Variants in SH3BGRL2 observed in about 807,000 individuals in gnomAD.
SH3BGRL2 encodes the protein SH3 domain-binding glutamic acid-rich-like protein 2.
SH3BGRL2 carries 21 observed loss-of-function variants against 14.8 expected under a neutral mutation model. That is an observed-to-expected ratio of 1.42 (90% confidence interval 1.01 to 2.05). The LOEUF (loss-of-function observed/expected upper bound fraction) is 2.05. SH3BGRL2 is among the 30% of genes most tolerant of loss of function. SH3BGRL2 has a pLI of 0.00. For missense variants in SH3BGRL2, 147 were observed against 130.8 expected (o/e 1.12, Z -0.61); for synonymous variants, 50 against 47.8 (o/e 1.05, Z -0.19).
At chr6:79,659,638 T>A (rs1769499962) in intron 1 of SH3BGRL2, among the ~76,000 whole-genome samples, 1 of 152,196 alleles carries the variant, frequency 6.6e-6, no homozygotes, top group Admixed American at 6.5e-5. Flanking sequence ...TTTGGTTCCG[T>A]ATGAACTTTA....
the SH3BGRL2 span, among the ~76,000 whole-genome samples, chr6:79,583,629 A>C: frequency 0.11 from 16,194 of 152,080 alleles, 967 homozygotes; most frequent in Non-Finnish European, 0.13. Flanking sequence ...CAGGGCCTGT[A>C]AGGGGGTGGG....
chr6:79,678,988 T>C (rs976622719), intron 2 of SH3BGRL2, among the ~76,000 whole-genome samples: 3 of 152,210 alleles, frequency 2.0e-5, no homozygotes, highest in African/African-American at 7.2e-5. Flanking sequence ...CCATGGTGTA[T>C]ATGTATCACA....
intron 1 of SH3BGRL2, among the ~76,000 whole-genome samples, chr6:79,656,091 T>A (rs1769408979): frequency 6.6e-6 from 1 of 152,262 alleles, no homozygotes; most frequent in South Asian, 2.1e-4. Context: ...TTTAGGTTTT[T>A]TAAAGAAATT....
intron 1 of SH3BGRL2, among the ~76,000 whole-genome samples, chr6:79,651,528 AAT>A (rs1769295045): frequency 6.6e-6 from 1 of 152,188 alleles, no homozygotes; most frequent in Non-Finnish European, 1.5e-5. Flanking sequence ...TTCTTTTTTT[AAT>A]GCAGACTAAA....
intron 1 of SH3BGRL2, among the ~76,000 whole-genome samples, chr6:79,636,697 A>C (rs1054243307): frequency 1.4e-4 from 21 of 152,206 alleles, no homozygotes; most frequent in Admixed American, 1.4e-3. Context: ...AGTCCTTTCC[A>C]TGTCTTTCTC....
At chr6:79,629,169 T>A (rs1389586073), upstream of SH3BGRL2, among the ~76,000 whole-genome samples, 2 of 152,248 alleles carry the variant, frequency 1.3e-5, no homozygotes, top group African/African-American at 4.8e-5. Context: ...TTGTCAGGAC[T>A]CTTTCTAAAA....
chr6:79,629,384 C>T (rs77612063), upstream of SH3BGRL2, among the ~76,000 whole-genome samples: 1,102 of 152,078 alleles, frequency 7.2e-3, 7 homozygotes, highest in Non-Finnish European at 0.013. Flanking sequence ...GTGCTCACTC[C>T]TAGATCAATA....
At chr6:79,569,324 G>T in the SH3BGRL2 span, among the ~76,000 whole-genome samples, 1 of 152,174 alleles carries the variant, frequency 6.6e-6, no homozygotes, top group Admixed American at 6.5e-5. Context: ...CAGGTAGCAG[G>T]CTTCAGAGAG....
chr6:79,694,510 A>G (rs1770290975), intron 2 of SH3BGRL2, among the ~76,000 whole-genome samples: 1 of 152,142 alleles, frequency 6.6e-6, no homozygotes, highest in South Asian at 2.1e-4. Context: ...TTAGGATCAT[A>G]TTTTGTCTTA....
At chr6:79,603,882 G>T in the SH3BGRL2 span, among the ~76,000 whole-genome samples, 2 of 152,100 alleles carry the variant, frequency 1.3e-5, no homozygotes, top group Admixed American at 1.3e-4. Flanking sequence ...TCAGCTCACT[G>T]CAACCTCCAC....
the SH3BGRL2 span, among the ~76,000 whole-genome samples, chr6:79,545,088 G>A: frequency 2.0e-5 from 3 of 152,110 alleles, no homozygotes; most frequent in African/African-American, 4.8e-5. Flanking sequence ...TGCTGAAGTC[G>A]TCAAGCTTCT....
At chr6:79,632,865 A>G (rs1768852343) in intron 1 of SH3BGRL2, among the ~76,000 whole-genome samples, 1 of 152,136 alleles carries the variant, frequency 6.6e-6, no homozygotes, top group Non-Finnish European at 1.5e-5. Context: ...GTTCAAATGC[A>G]CTCCTTACTA....
the SH3BGRL2 span, among the ~76,000 whole-genome samples, chr6:79,565,449 A>G: frequency 4.6e-5 from 7 of 152,178 alleles, no homozygotes; most frequent in Non-Finnish European, 1.0e-4. Context: ...AAAATTAATA[A>G]TAAATGGAGT....
chr6:79,663,114 G>A (rs1264191133), intron 1 of SH3BGRL2, among the ~76,000 whole-genome samples: 2 of 152,118 alleles, frequency 1.3e-5, no homozygotes, highest in East Asian at 1.9e-4. Context: ...GCTCAGAGAA[G>A]TTTGTTATTA....
the SH3BGRL2 span, among the ~76,000 whole-genome samples, chr6:79,605,043 C>A: frequency 2.6e-5 from 4 of 152,180 alleles, no homozygotes; most frequent in African/African-American, 9.7e-5. Context: ...TTCATCTCCC[C>A]TAGAATTTGG....
intron 2 of SH3BGRL2, among the ~76,000 whole-genome samples, chr6:79,682,905 A>G (rs1770015172): frequency 6.6e-6 from 1 of 152,224 alleles, no homozygotes; most frequent in African/African-American, 2.4e-5. Context: ...TTGCAGGGAC[A>G]TGGATGAAGC....
intron 1 of SH3BGRL2, among the ~76,000 whole-genome samples, chr6:79,634,143 A>G (rs1010477021): frequency 2.6e-5 from 4 of 152,236 alleles, no homozygotes; most frequent in Non-Finnish European, 4.4e-5. Context: ...GCTCCGCTTC[A>G]ATCATCAATA....
chr6:79,683,537 C>T (rs1255572252), intron 2 of SH3BGRL2, among the ~76,000 whole-genome samples: 2 of 151,810 alleles, frequency 1.3e-5, no homozygotes, highest in Non-Finnish European at 2.9e-5. Flanking sequence ...CCACTCACTG[C>T]AGCCAGGTTC....
the SH3BGRL2 span, among the ~76,000 whole-genome samples, chr6:79,611,632 G>A: frequency 1.3e-5 from 2 of 152,022 alleles, no homozygotes; most frequent in Non-Finnish European, 2.9e-5. Context: ...GGCTGGTCTT[G>A]CACTCCTGAC....
Sources: allele counts gnomAD v4.1 joint callset (sites outside exome capture counted in the v4.1 genomes callset), GRCh38; gene constraint gnomAD v4.1.1; transcripts MANE v1.5; gene names NCBI Gene and HGNC (gene_info 2026-07-23, HGNC 2026-07-21).